ZNF207: variants seen among roughly 807,000 people sequenced by gnomAD.
ZNF207 encodes the protein BUB3-interacting and GLEBS motif-containing protein ZNF207.
A neutral mutation model predicts 60.2 loss-of-function variants in ZNF207; 24 were observed. The observed-to-expected ratio is 0.40, with a 90% CI of 0.29 to 0.56. The LOEUF (loss-of-function observed/expected upper bound fraction) is 0.56, where lower values mean the gene tolerates loss of function less well. Ranked by LOEUF, ZNF207 falls within the 20% of genes least tolerant of loss-of-function variation. ZNF207 has a pLI of 0.49. For missense variants in ZNF207, 452 were observed against 636.6 expected (o/e 0.71, Z 3.12); for synonymous variants, 236 against 194.7 (o/e 1.21, Z -1.77).
rs1383754469 is a variant in ZNF207 at position 32,366,867 on chromosome 17, T to C, written c.921+110T>C. 13 of 993,938 alleles carry C rather than the reference T, an allele frequency of 1.3e-5. No individual in the cohort carries two copies. In the African/African-American group the frequency reaches 2.0e-4, roughly 16 times the overall value. 61.6% of individuals were successfully genotyped at this position (993,938 alleles called of 1,614,324 possible). On this transcript the variant is annotated intron_variant, in intron 9 of 11. Transcript: ENST00000394670. ...CCAAAAATATACTGTGTTTACTTTT[T>C]TAAAGCAAAATTAATGCTATATAAG...
At chr17:32,358,414 A>G (rs1904672152) in intron 2 of ZNF207, 89 bp from the exon 3 acceptor site, 17 of 1,328,402 alleles carry the variant, frequency 1.3e-5, no homozygotes, top group Non-Finnish European at 1.7e-5. Flanking sequence ...CTCACTATAG[A>G]ACATTTATTC....
intron 5 of ZNF207, 28 bp downstream of exon 5, chr17:32,360,995 A>G: frequency 1.2e-6 from 2 of 1,604,068 alleles, no homozygotes; most frequent in Non-Finnish European, 1.7e-6. Flanking sequence ...ATTGCCCTGT[A>G]GGCTTGTGCC....
At chr17:32,365,891 T>C (rs1905140472) in intron 8 of ZNF207, among the ~76,000 whole-genome samples, 1 of 152,182 alleles carries the variant, frequency 6.6e-6, no homozygotes, top group African/African-American at 2.4e-5. Flanking sequence ...CTGCCTCTAG[T>C]ACGGAACAGT....
At chr17:32,351,341 ACT>A (rs2041503614) in intron 1 of ZNF207, 2 of 651,754 alleles carry the variant, frequency 3.1e-6, no homozygotes, top group Non-Finnish European at 4.2e-6. Context: ...CCATATAGTT[ACT>A]CTTAGATTCT....
In ZNF207 at chr17:32,350,222, A is replaced by G; in HGVS notation, c.-64A>G. ...AGCCGTTGGGTTGGGAAAGTGAGGGATTTTTGGCCTCGTTTCTCCTGCTTC... is the reference window on the plus strand; with the variant it reads ...AGCCGTTGGGTTGGGAAAGTGAGGGGTTTTTGGCCTCGTTTCTCCTGCTTC... On this transcript the variant is annotated 5_prime_UTR_variant, in exon 1 of 12. Coordinates refer to ENST00000394670, the MANE Select transcript of ZNF207 (RefSeq NM_001098507.2). The G allele has an allele frequency of 6.2e-7, 1 of 1,609,826 alleles. No individual in the cohort carries two copies. The highest frequency in any genetic ancestry group is 8.5e-7 in the Non-Finnish European group (1 of 1,176,658).
intron 2 of ZNF207, among the ~76,000 whole-genome samples, chr17:32,353,811 CAAAAAAAAAA>C (rs536502166): frequency 0.018 from 1,991 of 110,608 alleles, 55 homozygotes; most frequent in African/African-American, 0.072. Context: ...ACTCTGTCTC[CAAAAAAAAAA>C]AAAAAAAAAA....
chr17:32,373,211 G>T lies in ZNF207; in HGVS notation c.*3452G>T. The T allele has an allele frequency of 2.2e-6, 1 of 450,048 alleles. No individual in the cohort carries two copies. Among genetic ancestry groups the T allele is most frequent in the South Asian group, 5.5e-5 (1 of 18,296 alleles). The allele number at this position is 450,048 out of a possible 1,614,324, so 27.9% of individuals were successfully genotyped here. A position where few individuals can be genotyped will look rare whatever the true frequency, so the allele number is the denominator to read the frequency against. ...ACCTTAATTAAACTTAATTAATTGG[G>T]GAGGGGGATTCCCCAACAAAAAGAA... On this transcript the variant is annotated 3_prime_UTR_variant, in exon 12 of 12. Coordinates refer to ENST00000394670, the MANE Select transcript of ZNF207 (RefSeq NM_001098507.2).
chr17:32,370,672 T>G lies in ZNF207; in HGVS notation c.*913T>G, dbSNP rs1427740449. The G allele has an allele frequency of 1.3e-5, 2 of 152,250 alleles. No homozygotes were observed. Among genetic ancestry groups the G allele is most frequent in the Non-Finnish European group, 2.9e-5 (2 of 68,050 alleles). The allele number at this position is 152,250 out of a possible 1,614,324, so 9.4% of individuals were successfully genotyped here. A position where few individuals can be genotyped will look rare whatever the true frequency, so the allele number is the denominator to read the frequency against. ...TCATAGATACTTAAAATGTAAATGTTAACACTTTTCCTTCCTGCTGAGATG... is the reference window on the plus strand; with the variant it reads ...TCATAGATACTTAAAATGTAAATGTGAACACTTTTCCTTCCTGCTGAGATG... On this transcript the variant is annotated 3_prime_UTR_variant, in exon 12 of 12. Coordinates refer to ENST00000394670, the MANE Select transcript of ZNF207 (RefSeq NM_001098507.2).
chr17:32,357,970 AG>A (rs1321910962), intron 2 of ZNF207, among the ~76,000 whole-genome samples: 1 of 151,716 alleles, frequency 6.6e-6, no homozygotes, highest in Non-Finnish European at 1.5e-5. Flanking sequence ...TAGTCGGGAC[AG>A]GGTTTTGCCA....
Position 32,369,950 on chromosome 17 carries a change from C to T in ZNF207, c.*191C>T. The T allele has an allele frequency of 1.7e-6, 1 of 579,152 alleles. No homozygotes were observed. Among genetic ancestry groups the T allele is most frequent in the Non-Finnish European group, 2.5e-6 (1 of 392,224 alleles). The allele number at this position is 579,152 out of a possible 1,614,324, so 35.9% of individuals were successfully genotyped here. On this transcript the variant is annotated 3_prime_UTR_variant, in exon 12 of 12. Coordinates refer to ENST00000394670, the MANE Select transcript of ZNF207 (RefSeq NM_001098507.2). ...TTGGAATAATAAAGCAGGAACTTTT[C>T]CTGAAGTTGCAATTTATACTGTATG...
At chr17:32,350,384 G>C in intron 1 of ZNF207, 58 bp downstream of exon 1, 2 of 1,607,656 alleles carry the variant, frequency 1.2e-6, no homozygotes. Context: ...TTGGGGCCTG[G>C]GACTAGGAGG....
At chr17:32,368,118 C>G (rs993878199) in intron 10 of ZNF207, 104 bp downstream of exon 10, 5 of 1,491,506 alleles carry the variant, frequency 3.4e-6, no homozygotes, top group Non-Finnish European at 4.5e-6. Flanking sequence ...GGTCTGTGAT[C>G]TGGTTTAATG....
intron 2 of ZNF207, among the ~76,000 whole-genome samples, chr17:32,356,230 G>A (rs1162166731): frequency 6.6e-6 from 1 of 152,128 alleles, no homozygotes; most frequent in African/African-American, 2.4e-5. Context: ...AGGGTCCCAA[G>A]AAATCTAATT....
chr17:32,360,613 A>G lies in ZNF207; in HGVS notation c.323A>G (p.Lys108Arg). The G allele has an allele frequency of 6.3e-7, 1 of 1,591,974 alleles. No homozygotes were observed. Among genetic ancestry groups the G allele is most frequent in the South Asian group, 1.2e-5 (1 of 85,354 alleles). ...TTTTTAACAGAAAGTCAAAAAAAGA[A>G]GCAACAAGATGATTCTGATGAATAT... is the stretch of plus-strand genomic sequence containing the variant. ...EQKTQESQKK[K>R]QQDDSDEYDD... The change falls in exon 4 of 12, where the codon AAG becomes AGG. Residue 108 changes from lysine (K) to arginine (R), a missense_variant. By Grantham distance (26) the Lys-to-Arg change is conservative. Around this residue, in one of 2 missense-constraint regions of ZNF207, gnomAD observed 62 missense variants for 175.3 expected, o/e 0.35. Transcript: ENST00000394670.
rs773239849 is a variant in ZNF207, at chr17:32,358,505, A to T, written c.171A>T (p.Val57=). 2.6e-6 allele frequency: 4 copies of T among 1,548,736 alleles called. No homozygotes were observed. The South Asian group carries it at 5.2e-5, about 20-fold the overall frequency. Reference sequence around the variant, plus strand: ...CTAATGGAAATTGTTGTTGTTAGGTACATAAAGAAACAATAGATGCCGTAC... The same window carrying T: ...CTAATGGAAATTGTTGTTGTTAGGTTCATAAAGAAACAATAGATGCCGTAC... ...GPGLAIHCMQ[V]HKETIDAVPN... Residue 57 remains valine, a splice_region_variant and synonymous_variant, in exon 3 of 12, where the codon GTA becomes GTT. Coordinates refer to ENST00000394670, the MANE Select transcript of ZNF207 (RefSeq NM_001098507.2).
rs1179304888 is a variant in ZNF207 at position 32,370,289 on chromosome 17, T to C, written c.*530T>C. Reference sequence around the variant, plus strand: ...GTTTAAGAAATCTGACCCACCAAGGTCATGTGACTTTTCTGTACTGTTAAA... The same window carrying C: ...GTTTAAGAAATCTGACCCACCAAGGCCATGTGACTTTTCTGTACTGTTAAA... On this transcript the variant is annotated 3_prime_UTR_variant, in exon 12 of 12. Transcript: ENST00000394670. 6.5e-6 allele frequency: 1 copy of C among 152,692 alleles called. No individual in the cohort carries two copies. Among genetic ancestry groups the C allele is most frequent in the Non-Finnish European group, 1.5e-5 (1 of 68,062 alleles). 9.5% of individuals were successfully genotyped at this position (152,692 alleles called of 1,614,324 possible).
intron 1 of ZNF207, chr17:32,351,427 C>T: frequency 1.5e-6 from 2 of 1,319,226 alleles, no homozygotes; most frequent in Non-Finnish European, 1.9e-6. Context: ...TTGACAGAAC[C>T]TTAGGGATTT....
chr17:32,375,440 A>G lies in ZNF207; in HGVS notation c.*5681A>G, dbSNP rs1357101352. 6.6e-6 allele frequency: 1 copy of G among 152,122 alleles called. No individual in the cohort carries two copies. Among genetic ancestry groups the G allele is most frequent in the South Asian group, 2.1e-4 (1 of 4,828 alleles). 9.4% of individuals were successfully genotyped at this position (152,122 alleles called of 1,614,324 possible). On this transcript the variant is annotated 3_prime_UTR_variant, in exon 12 of 12. Transcript: ENST00000394670. ...AATACAGGCTCTTATCTGGTTGAGT[A>G]CTGGGGGTGGGAAGGATTTAGTAAT... is the stretch of plus-strand genomic sequence containing the variant.
chr17:32,350,165 T>G lies in ZNF207; in HGVS notation c.-121T>G. The G allele has an allele frequency of 7.7e-5, 113 of 1,470,960 alleles. No homozygotes were observed. Among genetic ancestry groups the G allele is most frequent in the East Asian group, 2.1e-4 (9 of 41,952 alleles). The allele number at this position is 1,470,960 out of a possible 1,614,324, so 91.1% of individuals were successfully genotyped here. A position where few individuals can be genotyped will look rare whatever the true frequency, so the allele number is the denominator to read the frequency against. The stretch of plus-strand genomic sequence containing the variant: ...GAGCGGGGAACGAGGCCGTCGGCCA[T>G]TTTGTGTCTGCTTCCTGTGGGACGT... On this transcript the variant is annotated 5_prime_UTR_variant, in exon 1 of 12. Transcript: ENST00000394670.
Sources: allele counts gnomAD v4.1 joint callset (sites outside exome capture counted in the v4.1 genomes callset), GRCh38; gene constraint gnomAD v4.1.1; regional missense constraint gnomAD v4.1.1; transcripts MANE v1.5; gene names NCBI Gene and HGNC (gene_info 2026-07-23, HGNC 2026-07-21).